ADAMTS19: variants seen among roughly 807,000 people sequenced by gnomAD.
ADAMTS19 encodes A disintegrin and metalloproteinase with thrombospondin motifs 19.
Under a neutral mutation model 153.3 loss-of-function variants are expected in ADAMTS19, and 93 were observed. The observed-to-expected ratio is 0.61, with a 90% CI of 0.51 to 0.72. The LOEUF (loss-of-function observed/expected upper bound fraction) is 0.72. ADAMTS19 is among the 30% of genes least tolerant of loss of function. The pLI, the probability that ADAMTS19 is intolerant of heterozygous loss-of-function variation, is 0.00. For synonymous variants in ADAMTS19, 600 were observed against 556.6 expected (o/e 1.08, Z -1.10); for missense variants, 1,482 against 1,552.1 (o/e 0.95, Z 0.76).
At chr5:129,587,625 G>A (rs1363629639) in intron 7 of ADAMTS19, among the ~76,000 whole-genome samples, 1 of 152,110 alleles carries the variant, frequency 6.6e-6, no homozygotes, top group Non-Finnish European at 1.5e-5. Context: ...CTCTTCAGAG[G>A]TTTGGGGTTT....
chr5:129,681,858 A>C (rs1447058096), intron 17 of ADAMTS19, among the ~76,000 whole-genome samples: 1 of 152,214 alleles, frequency 6.6e-6, no homozygotes, highest in African/African-American at 2.4e-5. Flanking sequence ...AAATAAAATG[A>C]AGAAACAAAT....
At chr5:129,462,505 T>C (rs1332750429) in intron 2 of ADAMTS19, among the ~76,000 whole-genome samples, 1 of 152,120 alleles carries the variant, frequency 6.6e-6, no homozygotes, top group Admixed American at 6.5e-5. Context: ...GGATGGAAAG[T>C]AAAAGCCATT....
At chr5:129,523,844 C>T (rs1751910070) in intron 3 of ADAMTS19, among the ~76,000 whole-genome samples, 1 of 152,032 alleles carries the variant, frequency 6.6e-6, no homozygotes. Flanking sequence ...AAAAATCATG[C>T]TCATGGATAG....
chr5:129,562,718 G>C (rs548430683), intron 7 of ADAMTS19, among the ~76,000 whole-genome samples: 58 of 152,164 alleles, frequency 3.8e-4, no homozygotes, highest in African/African-American at 1.4e-3. Context: ...ACTTAAAGCT[G>C]GCAAAGATAA....
chr5:129,640,013 A>G (rs994221634), intron 10 of ADAMTS19, among the ~76,000 whole-genome samples: 4 of 152,212 alleles, frequency 2.6e-5, no homozygotes, highest in African/African-American at 7.2e-5. Context: ...CATTCTTTAC[A>G]ATAATTTTCT....
At chr5:129,523,054 CAAA>C (rs55963617) in intron 3 of ADAMTS19, among the ~76,000 whole-genome samples, 6 of 105,278 alleles carry the variant, frequency 5.7e-5, no homozygotes, top group Admixed American at 1.0e-4. Context: ...GACTCCATCT[CAAA>C]AAAAAAAAAA....
Position 129,684,714 on chromosome 5 carries a change from G to T in ADAMTS19, c.2818+441G>T, listed in dbSNP as rs143984575. 1.9e-3 allele frequency among the ~76,000 whole-genome samples: 282 copies of T among 151,954 alleles called. 8 individuals carry two copies. In the East Asian group the frequency reaches 0.048, roughly 26 times the overall value. On this transcript the variant is annotated intron_variant, in intron 18 of 22. Coordinates refer to ENST00000274487, the MANE Select transcript of ADAMTS19 (RefSeq NM_133638.6). ...AATATAAGAATTATTTGGGCCGGGC[G>T]CGGTGGCTCACGCCTGTAATCCCAG...
At chr5:129,698,253 T>A (rs1581237470) in intron 19 of ADAMTS19, among the ~76,000 whole-genome samples, 1 of 152,152 alleles carries the variant, frequency 6.6e-6, no homozygotes, top group Admixed American at 6.5e-5. Flanking sequence ...AAGCAAAATA[T>A]TGGAAAGAAA....
chr5:129,507,666 G>A (rs991257344), intron 2 of ADAMTS19, among the ~76,000 whole-genome samples: 3 of 147,286 alleles, frequency 2.0e-5, no homozygotes, highest in East Asian at 3.9e-4. Flanking sequence ...GTGTACGTGT[G>A]TGTGTGTGTG....
In ADAMTS19 at chr5:129,636,521, G is replaced by A. The variant is rs540428055; in HGVS notation, c.1771-5338G>A. ...AACACTTCCTGATGTAACCATGAAA[G>A]AGTCCCTTGCAGCTTGCTGCTTCAT... is the stretch of plus-strand genomic sequence containing the variant. On this transcript the variant is annotated intron_variant, in intron 10 of 22. Coordinates refer to ENST00000274487, the MANE Select transcript of ADAMTS19 (RefSeq NM_133638.6). Among the ~76,000 whole-genome samples the A allele has an allele frequency of 7.9e-5, 12 of 152,218 alleles. No homozygotes were observed. In the South Asian group the frequency reaches 2.5e-3, roughly 32 times the overall value.
At chr5:129,660,756 T>C (rs1197567454) in intron 15 of ADAMTS19, among the ~76,000 whole-genome samples, 1 of 152,214 alleles carries the variant, frequency 6.6e-6, no homozygotes, top group African/African-American at 2.4e-5. Flanking sequence ...CCTAAGATAC[T>C]ACAAATATTA....
chr5:129,668,141 C>T (rs1012479718), intron 16 of ADAMTS19, among the ~76,000 whole-genome samples: 1 of 152,144 alleles, frequency 6.6e-6, no homozygotes, highest in Non-Finnish European at 1.5e-5. Context: ...TCGCTTGTGA[C>T]CTTGTCACTC....
intron 2 of ADAMTS19, among the ~76,000 whole-genome samples, chr5:129,490,758 C>T (rs1750738747): frequency 6.6e-6 from 1 of 152,074 alleles, no homozygotes; most frequent in Admixed American, 6.5e-5. Context: ...GCAGAGTAAA[C>T]ACTGAACTGC....
intron 8 of ADAMTS19, among the ~76,000 whole-genome samples, chr5:129,611,752 G>T (rs548726012): frequency 6.6e-6 from 1 of 151,872 alleles, no homozygotes; most frequent in Non-Finnish European, 1.5e-5. Flanking sequence ...CTTTTGGAAA[G>T]ATACTCCTCG....
In ADAMTS19 at chr5:129,570,556, C is replaced by T. The variant is rs140770130; in HGVS notation, c.1372+18649C>T. 4.8e-4 allele frequency among the ~76,000 whole-genome samples: 72 copies of T among 151,478 alleles called. No individual in the cohort carries two copies. The East Asian group carries it at 0.011, about 24-fold the overall frequency. ...AAATAATACAAATTTTACATTAGAT[C>T]TTTCAAAAAACAAATGTCAAGGATA... On this transcript the variant is annotated intron_variant, in intron 7 of 22. Transcript: ENST00000274487.
intron 12 of ADAMTS19, 54 bp from the exon 13 acceptor site, chr5:129,648,744 C>T (rs1581184875): frequency 1.4e-6 from 2 of 1,461,508 alleles, no homozygotes; most frequent in South Asian, 1.2e-5. Flanking sequence ...AATTTAAAAC[C>T]TAGGTAGTTA....
intron 21 of ADAMTS19, among the ~76,000 whole-genome samples, chr5:129,726,965 T>G (rs2127211598): frequency 6.6e-6 from 1 of 152,240 alleles, no homozygotes; most frequent in Admixed American, 6.5e-5. Flanking sequence ...TCTTGTCTGT[T>G]TTGCTTACTA....
chr5:129,673,578 G>A (rs891952388), intron 16 of ADAMTS19, among the ~76,000 whole-genome samples: 4 of 151,924 alleles, frequency 2.6e-5, no homozygotes, highest in South Asian at 2.1e-4. Context: ...CCAATGACCC[G>A]TTTATACTTG....
At chr5:129,568,932 C>CA (rs1289776923) in intron 7 of ADAMTS19, among the ~76,000 whole-genome samples, 6 of 151,218 alleles carry the variant, frequency 4.0e-5, no homozygotes, top group Admixed American at 2.6e-4. Flanking sequence ...ACAACATCAA[C>CA]AAAAAAAATA....
Sources: allele counts gnomAD v4.1 joint callset (sites outside exome capture counted in the v4.1 genomes callset), GRCh38; gene constraint gnomAD v4.1.1; transcripts MANE v1.5; gene names NCBI Gene and HGNC (gene_info 2026-07-23, HGNC 2026-07-21).